BIRC6: variants seen among roughly 807,000 people sequenced by gnomAD.
BIRC6 encodes the protein baculoviral IAP repeat containing 6, also known as dual E2 ubiquitin-conjugating enzyme/E3 ubiquitin-protein ligase BIRC6.
A neutral mutation model predicts 503.3 loss-of-function variants in BIRC6; 98 were observed. That is an observed-to-expected ratio of 0.19 (90% CI 0.17 to 0.23). The LOEUF (loss-of-function observed/expected upper bound fraction) is 0.23. Among genes scored for constraint, BIRC6 ranks in the 10% least tolerant of loss-of-function variants. The pLI, the probability that BIRC6 is intolerant of heterozygous loss-of-function variation, is 1.00. For synonymous variants in BIRC6, 2,240 were observed against 2,078.7 expected, an observed-to-expected ratio of 1.08 and a Z score of -2.11; for missense variants, 5,360 against 5,806.0, an observed-to-expected ratio of 0.92 and a Z score of 2.50.
chr2:32,396,699 A>T (rs1322601777), intron 6 of BIRC6, among the ~76,000 whole-genome samples: 1 of 152,180 alleles, frequency 6.6e-6, no homozygotes, highest in Non-Finnish European at 1.5e-5. Context: ...ACAGAAAGAG[A>T]TTAATAACAA....
chr2:32,576,234 A>T (rs1414298521), intron 66 of BIRC6, among the ~76,000 whole-genome samples: 1 of 152,220 alleles, frequency 6.6e-6, no homozygotes, highest in Non-Finnish European at 1.5e-5. Context: ...AAGTCAAAGG[A>T]TTCAGTATTT....
chr2:32,366,183 T>C (rs1213625492), intron 1 of BIRC6, among the ~76,000 whole-genome samples: 1 of 152,222 alleles, frequency 6.6e-6, no homozygotes, highest in Non-Finnish European at 1.5e-5. Flanking sequence ...CAATTTTAAT[T>C]ATTAGACCTC....
At chr2:32,396,822 C>G (rs1207537171) in intron 6 of BIRC6, among the ~76,000 whole-genome samples, 1 of 152,066 alleles carries the variant, frequency 6.6e-6, no homozygotes, top group Non-Finnish European at 1.5e-5. Flanking sequence ...CTCCCGGGTT[C>G]AGGCGATTCT....
intron 33 of BIRC6, among the ~76,000 whole-genome samples, chr2:32,475,921 C>T (rs141011261): frequency 6.3e-4 from 95 of 151,824 alleles, no homozygotes; most frequent in African/African-American, 2.2e-3. Context: ...AAATTTTTTT[C>T]TCTCTATTAA....
chr2:32,545,720 A>G lies in BIRC6; in HGVS notation c.12670A>G (p.Thr4224Ala), dbSNP rs1380591376. Reference protein sequence around the residue: ...FHVLRSLFSTTPLTTDDGVLL... With the variant: ...FHVLRSLFSTAPLTTDDGVLL... ...CGTCCTTCGTAGCTTGTTTAGCACT[A>G]CACCTTTGACAACTGATGATGGTGT... Residue 4224 changes from threonine (T) to alanine (A), a missense_variant, in exon 63 of 74, where the codon ACA (threonine) becomes GCA (alanine). This residue lies in a region of BIRC6 where 477 missense variants were observed against 574.4 expected (regional missense o/e 0.83). Coordinates refer to ENST00000421745, the MANE Select transcript of BIRC6 (RefSeq NM_016252.4). The G allele has an allele frequency of 3.1e-6, 5 of 1,613,704 alleles. No homozygotes were observed. In the Admixed American group the frequency reaches 6.7e-5, roughly 22 times the overall value.
At chr2:32,360,580 C>T (rs1228106228) in intron 1 of BIRC6, among the ~76,000 whole-genome samples, 2 of 152,126 alleles carry the variant, frequency 1.3e-5, no homozygotes, top group Non-Finnish European at 2.9e-5. Flanking sequence ...TGCACCAATT[C>T]GCTCCAGTCA....
At chr2:32,594,271 C>G in intron 67 of BIRC6, 1 of 426,118 alleles carries the variant, frequency 2.3e-6, no homozygotes, top group Non-Finnish European at 4.1e-6. Flanking sequence ...TATATGATTG[C>G]TAAATTTAGT....
chr2:32,415,407 T>C lies in BIRC6; in HGVS notation c.2116T>C (p.Trp706Arg). Residue 706 changes from tryptophan to arginine, a missense_variant, in exon 10 of 74, where the codon TGG (tryptophan) becomes CGG (arginine). Transcript: ENST00000421745. ...CCTTACCTCTCCGGATTCTGAGAAG[T>C]GGAACTCTGTGTTTCCCAAGCCTGG... ...ANLTSPDSEKWNSVFPKPGTL... is the reference protein window; with the variant it reads ...ANLTSPDSEKRNSVFPKPGTL... 6.2e-7 allele frequency: 1 copy of C among 1,614,030 alleles called. No individual in the cohort carries two copies. Among genetic ancestry groups the C allele is most frequent in the Non-Finnish European group, 8.5e-7 (1 of 1,179,892 alleles).
intron 66 of BIRC6, among the ~76,000 whole-genome samples, chr2:32,589,649 C>A (rs1380408567): frequency 6.6e-6 from 1 of 152,136 alleles, no homozygotes; most frequent in Non-Finnish European, 1.5e-5. Flanking sequence ...TGGTGGTAAA[C>A]AAGTTCAGTT....
At chr2:32,516,515 CA>C (rs540024426) in intron 55 of BIRC6, among the ~76,000 whole-genome samples, 1,879 of 51,172 alleles carry the variant, frequency 0.037, 14 homozygotes, top group African/African-American at 0.059. Context: ...GACTCTGTCT[CA>C]AAAAAAAAAA....
intron 10 of BIRC6, among the ~76,000 whole-genome samples, chr2:32,424,878 C>T (rs931335331): frequency 1.7e-4 from 26 of 152,134 alleles, no homozygotes; most frequent in African/African-American, 5.8e-4. Flanking sequence ...TGCATTTCCA[C>T]AAGCAGTTTG....
chr2:32,530,807 G>A (rs2056681903), intron 60 of BIRC6, among the ~76,000 whole-genome samples: 1 of 151,986 alleles, frequency 6.6e-6, no homozygotes, highest in South Asian at 2.1e-4. Context: ...TCTCTCTTTT[G>A]TTTTAATGTT....
intron 69 of BIRC6, among the ~76,000 whole-genome samples, chr2:32,598,760 T>G (rs773717746): frequency 9.9e-5 from 15 of 152,144 alleles, no homozygotes; most frequent in Non-Finnish European, 1.6e-4. Flanking sequence ...GATAGGCTCA[T>G]GCCTGTAATC....
chr2:32,595,278 A>AT, intron 68 of BIRC6, 134 bp downstream of exon 68: 2 of 562,302 alleles, frequency 3.6e-6, no homozygotes, highest in Non-Finnish European at 3.1e-6. Context: ...ACATATCAAC[A>AT]TTTTTTATCA....
At chr2:32,387,451 TA>T (rs1020936029) in intron 3 of BIRC6, among the ~76,000 whole-genome samples, 1 of 152,146 alleles carries the variant, frequency 6.6e-6, no homozygotes. Flanking sequence ...GGACAGGATA[TA>T]AAGATGCAAT....
chr2:32,603,059 T>A lies in BIRC6; in HGVS notation c.14046T>A (p.Asn4682Lys). Residue 4682 changes from asparagine (N) to lysine (K), a missense_variant, in exon 71 of 74, where the codon AAT becomes AAA. Asn to Lys is a moderately conservative substitution (Grantham distance 94). This residue lies in a region of BIRC6 where 66 missense variants were observed against 113.2 expected (regional missense o/e 0.58). Coordinates refer to ENST00000421745, the MANE Select transcript of BIRC6 (RefSeq NM_016252.4). Reference protein sequence around the residue: ...TWHGRPEEKWNPQTSSFLQVL... With the variant: ...TWHGRPEEKWKPQTSSFLQVL... ...ATGGAAGACCAGAAGAGAAGTGGAA[T>A]CCTCAGACCTCAAGCTTTTTGCAAG... 6.2e-7 allele frequency: 1 copy of A among 1,611,758 alleles called. No individual in the cohort carries two copies. Among genetic ancestry groups the A allele is most frequent in the Non-Finnish European group, 8.5e-7 (1 of 1,179,170 alleles).
At chr2:32,572,819 T>C (rs2060009566) in intron 65 of BIRC6, among the ~76,000 whole-genome samples, 2 of 152,224 alleles carry the variant, frequency 1.3e-5, no homozygotes, top group South Asian at 4.1e-4. Context: ...TGACCTTCTC[T>C]TCCATCACTT....
chr2:32,513,540 C>T lies in BIRC6; in HGVS notation c.10568+386C>T, dbSNP rs141125863. Among the ~76,000 whole-genome samples, 599 of 152,126 alleles carry T rather than the reference C, an allele frequency of 3.9e-3. 4 individuals are homozygous for T. The highest frequency in any genetic ancestry group is 0.013 in the African/African-American group (555 of 41,510). ...CCTGTAATCCCAGCACTTTGGAGGC[C>T]GAGGTGGGAAGATCGCTTGAGTCAG... On this transcript the variant is annotated intron_variant, in intron 54 of 73. Transcript: ENST00000421745.
rs544256427 is a variant in BIRC6 at position 32,453,548 on chromosome 2, A to G, written c.4619-260A>G. ...TGTTACTAAATGTAAGTTTCATGTTACAGGAAACTACCACTCATGTTTCTG... is the reference window on the plus strand; with the variant it reads ...TGTTACTAAATGTAAGTTTCATGTTGCAGGAAACTACCACTCATGTTTCTG... On this transcript the variant is annotated intron_variant, in intron 22 of 73. Transcript: ENST00000421745. Among the ~76,000 whole-genome samples the G allele has an allele frequency of 1.8e-4, 27 of 152,272 alleles. No homozygotes were observed. The South Asian group carries it at 5.4e-3, about 30-fold the overall frequency.
Sources: gnomAD v4.1 joint callset for allele counts (sites outside exome capture counted in the v4.1 genomes callset) on GRCh38, gnomAD v4.1.1 for gene constraint, gnomAD v4.1.1 regional missense constraint, MANE v1.5 for transcripts, NCBI Gene and HGNC (gene_info 2026-07-23, HGNC 2026-07-21) for gene names.